The following COL25A1 variants were observed in gnomAD, a reference collection of about 807,000 sequenced individuals.
The protein encoded by COL25A1 is collagen type XXV alpha 1 chain, also known as collagen alpha-1(XXV) chain.
Under a neutral mutation model 128.4 loss-of-function variants are expected in COL25A1, and 103 were observed. That is an observed-to-expected ratio of 0.80 (90% CI 0.68 to 0.94). The LOEUF is 0.94. Among genes scored for constraint, COL25A1 ranks in the 40% least tolerant of loss-of-function variants. The probability of loss-of-function intolerance (pLI) is 0.00; values close to 1 mark genes in which losing one functional copy is unlikely to be tolerated. For synonymous variants in COL25A1, 279 were observed against 277.2 expected (o/e 1.01, Z -0.06); for missense variants, 745 against 840.0 (o/e 0.89, Z 1.40).
chr4:108,824,602 A>T (rs994476144), intron 34 of COL25A1, among the ~76,000 whole-genome samples: 3 of 152,178 alleles, frequency 2.0e-5, no homozygotes, highest in Admixed American at 6.5e-5. Context: ...GTGAATGTTA[A>T]ATGTGATGAT....
intron 13 of COL25A1, among the ~76,000 whole-genome samples, chr4:108,901,739 T>TA (rs1742877259): frequency 6.6e-6 from 1 of 152,140 alleles, no homozygotes; most frequent in Non-Finnish European, 1.5e-5. Flanking sequence ...AATAAAACAT[T>TA]CAGACTTATG....
chr4:109,160,076 T>C (rs968048464), intron 3 of COL25A1, among the ~76,000 whole-genome samples: 1 of 152,140 alleles, frequency 6.6e-6, no homozygotes, highest in African/African-American at 2.4e-5. Flanking sequence ...TTATAATAGG[T>C]AAATAGAAAA....
chr4:109,005,159 A>T (rs1755840090), intron 6 of COL25A1, among the ~76,000 whole-genome samples: 1 of 152,176 alleles, frequency 6.6e-6, no homozygotes, highest in South Asian at 2.1e-4. Context: ...CTTCCTTGCC[A>T]ATCATGGTAT....
chr4:109,135,844 T>C (rs1477526664), intron 3 of COL25A1, among the ~76,000 whole-genome samples: 1 of 152,164 alleles, frequency 6.6e-6, no homozygotes, highest in Non-Finnish European at 1.5e-5. Flanking sequence ...GGAACTCACA[T>C]GTGGTAGCTC....
intron 11 of COL25A1, among the ~76,000 whole-genome samples, chr4:108,922,289 C>T (rs1745576667): frequency 3.3e-5 from 5 of 152,126 alleles, no homozygotes; most frequent in Admixed American, 3.3e-4. Flanking sequence ...TGGGTTTTAT[C>T]ATTGTCTATG....
At chr4:109,268,892 T>A (rs536010855) in intron 3 of COL25A1, among the ~76,000 whole-genome samples, 2 of 152,262 alleles carry the variant, frequency 1.3e-5, no homozygotes, top group African/African-American at 4.8e-5. Context: ...TACCTCACTG[T>A]TACCATCCTT....
chr4:108,926,163 G>T (rs888984502), intron 11 of COL25A1, among the ~76,000 whole-genome samples: 4 of 152,236 alleles, frequency 2.6e-5, no homozygotes, highest in African/African-American at 9.6e-5. Context: ...ACTTAAACAG[G>T]ATGCTGAGTT....
Position 108,901,181 on chromosome 4 carries a change from A to G in COL25A1, c.781-9T>C. On this transcript the variant is annotated splice_polypyrimidine_tract_variant and intron_variant, in intron 13 of 37. Transcript: ENST00000399132. ...GGCAACCCGGGCTCACCCTCAAAAT[A>G]GAAAAATAGATACTACTAAGTAAAA... is the stretch of plus-strand genomic sequence containing the variant. 1 of 1,602,156 alleles carries G rather than the reference A, an allele frequency of 6.2e-7. No individual in the cohort carries two copies. Among genetic ancestry groups the G allele is most frequent in the Non-Finnish European group, 8.5e-7 (1 of 1,169,730 alleles).
intron 3 of COL25A1, among the ~76,000 whole-genome samples, chr4:109,082,003 C>A (rs1763888011): frequency 6.6e-6 from 1 of 152,192 alleles, no homozygotes; most frequent in African/African-American, 2.4e-5. Context: ...CCGCGCGTAG[C>A]CCACTAATCT....
chr4:108,873,953 G>C (rs1193521707), intron 19 of COL25A1, among the ~76,000 whole-genome samples: 1 of 152,024 alleles, frequency 6.6e-6, no homozygotes, highest in East Asian at 1.9e-4. Flanking sequence ...GAAAAGAATT[G>C]ATGTACGGTT....
intron 24 of COL25A1, among the ~76,000 whole-genome samples, chr4:108,856,234 A>G (rs944359554): frequency 6.6e-6 from 1 of 152,230 alleles, no homozygotes; most frequent in Non-Finnish European, 1.5e-5. Flanking sequence ...TTAAAGAGTC[A>G]GTTAGGAAAC....
intron 3 of COL25A1, among the ~76,000 whole-genome samples, chr4:109,267,727 A>T (rs931262067): frequency 2.6e-5 from 4 of 152,148 alleles, no homozygotes; most frequent in Non-Finnish European, 5.9e-5. Context: ...AGCATTTCAG[A>T]TTTTGGATTT....
intron 3 of COL25A1, among the ~76,000 whole-genome samples, chr4:109,269,263 C>T (rs1028597710): frequency 4.0e-5 from 6 of 151,702 alleles, no homozygotes; most frequent in Non-Finnish European, 5.9e-5. Context: ...GACATGAACG[C>T]ATTATTTTTT....
chr4:109,111,440 T>C (rs1013707644), intron 3 of COL25A1, among the ~76,000 whole-genome samples: 4 of 152,194 alleles, frequency 2.6e-5, no homozygotes, highest in Non-Finnish European at 5.9e-5. Flanking sequence ...CAACCCATCA[T>C]CTCACATCTT....
chr4:109,287,972 C>T (rs1041011532), intron 3 of COL25A1, among the ~76,000 whole-genome samples: 2 of 151,990 alleles, frequency 1.3e-5, no homozygotes, highest in African/African-American at 4.8e-5. Context: ...TCTGAAGCAA[C>T]AACACATGCA....
At chr4:109,001,726 C>T (rs1755434341) in intron 6 of COL25A1, among the ~76,000 whole-genome samples, 1 of 152,104 alleles carries the variant, frequency 6.6e-6, no homozygotes, top group Admixed American at 6.5e-5. Context: ...TATTTAAATG[C>T]CTCATGTTTA....
At chr4:108,945,243 T>C (rs961527958) in intron 8 of COL25A1, among the ~76,000 whole-genome samples, 1 of 152,228 alleles carries the variant, frequency 6.6e-6, no homozygotes, top group African/African-American at 2.4e-5. Flanking sequence ...TTAAAAATTT[T>C]CACCATTTGA....
intron 3 of COL25A1, among the ~76,000 whole-genome samples, chr4:109,229,089 A>C (rs570086712): frequency 6.6e-6 from 1 of 152,212 alleles, no homozygotes; most frequent in Admixed American, 6.5e-5. Flanking sequence ...CTTAAAGAAA[A>C]CCCCCAGAGA....
intron 3 of COL25A1, among the ~76,000 whole-genome samples, chr4:109,227,174 CT>C (rs1477123769): frequency 4.6e-5 from 7 of 151,972 alleles, no homozygotes; most frequent in African/African-American, 1.7e-4. Flanking sequence ...TTTGAGGAGG[CT>C]TCAATGTTTT....
Sources: gnomAD v4.1 joint callset for allele counts (sites outside exome capture counted in the v4.1 genomes callset) on GRCh38, gnomAD v4.1.1 for gene constraint, MANE v1.5 for transcripts, NCBI Gene and HGNC (gene_info 2026-07-23, HGNC 2026-07-21) for gene names.